NRXN3: variants seen among roughly 807,000 people sequenced by gnomAD.
NRXN3 encodes the protein neurexin III.
In NRXN3, 32 loss-of-function variants were observed where a neutral mutation model predicts 137.6. The ratio of observed to expected loss-of-function variants is 0.23; its 90% CI spans 0.18 to 0.31. NRXN3 has a LOEUF of 0.31. NRXN3 is among the 10% of genes least tolerant of loss of function. The probability of loss-of-function intolerance (pLI) is 1.00; values close to 1 mark genes in which losing one functional copy is unlikely to be tolerated. For synonymous variants in NRXN3, 798 were observed against 784.5 expected (o/e 1.02, Z -0.29); for missense variants, 1,574 against 2,062.5 (o/e 0.76, Z 4.59).
intron 8 of NRXN3, among the ~76,000 whole-genome samples, chr14:78,803,062 G>C (rs916757647): frequency 8.5e-5 from 13 of 152,176 alleles, no homozygotes; most frequent in Admixed American, 5.2e-4. Flanking sequence ...GCCTCTATCA[G>C]ATATTCTTTG....
chr14:78,810,377 TAA>T, intron 10 of NRXN3, 33 bp downstream of exon 10: 1 of 745,700 alleles, frequency 1.3e-6, no homozygotes, highest in Non-Finnish European at 2.0e-6. Flanking sequence ...TTTTGTTCTT[TAA>T]AAAAAAAAAA....
intron 15 of NRXN3, among the ~76,000 whole-genome samples, chr14:79,370,192 T>G (rs1021237541): frequency 9.2e-5 from 14 of 152,214 alleles, no homozygotes; most frequent in Non-Finnish European, 1.9e-4. Context: ...AGACACTGTG[T>G]AAGCACTTTC....
chr14:79,337,010 G>A (rs188891048), intron 15 of NRXN3, among the ~76,000 whole-genome samples: 11 of 152,192 alleles, frequency 7.2e-5, no homozygotes, highest in East Asian at 5.8e-4. Context: ...ATATGCTGCC[G>A]TTAAAAACGC....
At chr14:78,595,391 T>TG (rs1283674478) in intron 4 of NRXN3, among the ~76,000 whole-genome samples, 2 of 152,314 alleles carry the variant, frequency 1.3e-5, no homozygotes, top group East Asian at 3.9e-4. Context: ...AGTACAGTCC[T>TG]GTGCACTCGT....
intron 4 of NRXN3, among the ~76,000 whole-genome samples, chr14:78,402,387 A>G (rs1037160813): frequency 1.3e-5 from 2 of 152,204 alleles, no homozygotes; most frequent in African/African-American, 4.8e-5. Context: ...TTGAATATAT[A>G]ATAATTCTTA....
intron 4 of NRXN3, among the ~76,000 whole-genome samples, chr14:78,398,839 G>A (rs1351330969): frequency 6.6e-6 from 1 of 152,182 alleles, no homozygotes; most frequent in Non-Finnish European, 1.5e-5. Context: ...GTTGTTACAT[G>A]GCAGAGATGA....
chr14:79,106,082 C>T (rs546319766), intron 15 of NRXN3, among the ~76,000 whole-genome samples: 7 of 152,154 alleles, frequency 4.6e-5, no homozygotes, highest in South Asian at 4.1e-4. Flanking sequence ...TAGTTTTAAA[C>T]GTTTTGAATT....
At chr14:78,457,735 A>G (rs1415358447) in intron 4 of NRXN3, among the ~76,000 whole-genome samples, 1 of 152,212 alleles carries the variant, frequency 6.6e-6, no homozygotes, top group Non-Finnish European at 1.5e-5. Context: ...GTGTATAGAT[A>G]TATCTGTATA....
intron 4 of NRXN3, among the ~76,000 whole-genome samples, chr14:78,384,342 C>T (rs2089615319): frequency 6.6e-6 from 1 of 152,036 alleles, no homozygotes; most frequent in Non-Finnish European, 1.5e-5. Flanking sequence ...CATACTCATA[C>T]TCCAAGATAA....
At chr14:78,672,316 C>G (rs2097944458) in intron 6 of NRXN3, among the ~76,000 whole-genome samples, 1 of 152,198 alleles carries the variant, frequency 6.6e-6, no homozygotes, top group South Asian at 2.1e-4. Context: ...AAGGGACAAG[C>G]AAAGGCATCA....
rs751796019 is a variant in NRXN3 at position 79,358,607 on chromosome 14, GAGAAAGAAAGAAAGAAAGAA to G, written c.3263-108571_3263-108552del. 6.9e-3 allele frequency among the ~76,000 whole-genome samples: 555 copies of G among 79,988 alleles called. 39 individuals carry two copies. In the East Asian group the frequency reaches 0.17, roughly 24 times the overall value. The allele number at this position is 79,988 out of a possible 152,430, so 52.5% of individuals were successfully genotyped here. On this transcript the variant is annotated intron_variant, in intron 15 of 20. Coordinates refer to ENST00000335750, the MANE Select transcript of NRXN3 (RefSeq NM_001330195.2). ...AGAGAGAAAGAAAGAAAGAAAGAAA[GAGAAAGAAAGAAAGAAAGAA>G]AGAAAGAAAGAAAGAAAGAAAGAAA...
intron 6 of NRXN3, among the ~76,000 whole-genome samples, chr14:78,688,802 T>C (rs752415645): frequency 3.3e-5 from 5 of 151,994 alleles, no homozygotes; most frequent in African/African-American, 7.2e-5. Context: ...GCCCTCTTCA[T>C]AGAGAAAAGA....
intron 15 of NRXN3, among the ~76,000 whole-genome samples, chr14:79,148,113 C>T (rs1339645043): frequency 1.3e-5 from 2 of 152,066 alleles, no homozygotes; most frequent in African/African-American, 4.8e-5. Context: ...CAGGGCCCCT[C>T]CTTTTATGGA....
chr14:78,781,765 A>G (rs1263946400), intron 8 of NRXN3, among the ~76,000 whole-genome samples: 1 of 152,274 alleles, frequency 6.6e-6, no homozygotes, highest in Non-Finnish European at 1.5e-5. Context: ...TCAGAACAAT[A>G]TATAATCTCT....
intron 10 of NRXN3, among the ~76,000 whole-genome samples, chr14:78,891,870 G>A (rs1052463115): frequency 4.6e-5 from 7 of 151,916 alleles, no homozygotes; most frequent in African/African-American, 7.3e-5. Context: ...AGCAATAGGC[G>A]CACACACATT....
At chr14:79,027,227 A>T (rs943577301) in intron 15 of NRXN3, among the ~76,000 whole-genome samples, 6 of 151,508 alleles carry the variant, frequency 4.0e-5, no homozygotes, top group African/African-American at 1.2e-4. Context: ...ACCCTACCAG[A>T]TGTTGGGAGG....
chr14:79,287,531 G>T (rs925741880), intron 15 of NRXN3, among the ~76,000 whole-genome samples: 1 of 152,158 alleles, frequency 6.6e-6, no homozygotes, highest in African/African-American at 2.4e-5. Context: ...GAAGAAGCAG[G>T]TGTTTTTAGG....
intron 15 of NRXN3, among the ~76,000 whole-genome samples, chr14:79,234,715 G>T (rs2073075322): frequency 6.6e-6 from 1 of 151,862 alleles, no homozygotes; most frequent in Non-Finnish European, 1.5e-5. Flanking sequence ...TATTCACAGT[G>T]CATATTAGCA....
intron 4 of NRXN3, among the ~76,000 whole-genome samples, chr14:78,334,695 C>A (rs910774293): frequency 6.6e-6 from 1 of 152,080 alleles, no homozygotes; most frequent in East Asian, 1.9e-4. Context: ...GAGAAGTTTA[C>A]GTACCACAGT....
Sources: gnomAD v4.1 joint callset for allele counts (sites outside exome capture counted in the v4.1 genomes callset) on GRCh38, gnomAD v4.1.1 for gene constraint, MANE v1.5 for transcripts, NCBI Gene and HGNC (gene_info 2026-07-23, HGNC 2026-07-21) for gene names.